Variants in KCNQ1 observed in about 807,000 individuals in gnomAD.
The protein encoded by KCNQ1 is potassium voltage-gated channel subfamily KQT member 1.
KCNQ1 carries 49 observed loss-of-function variants against 72.4 expected under a neutral mutation model. That is an observed-to-expected ratio of 0.68 (90% CI 0.54 to 0.86). KCNQ1 has a LOEUF of 0.86. KCNQ1 is among the 40% of genes least tolerant of loss of function. The pLI is 0.00. For missense variants in KCNQ1, 790 were observed against 945.1 expected (o/e 0.84, Z 2.15); for synonymous variants, 450 against 412.6 (o/e 1.09, Z -1.10).
rs763688256 is a variant in KCNQ1, at chr11:2,642,473, G to T, written c.1394-19488G>T. ...GTAACTGTAATCAATTTATTGATCA[G>T]ACTGAAGAGTTTTGATTTTTGTATT... On this transcript the variant is annotated intron_variant, in intron 10 of 15. Coordinates refer to ENST00000155840, the MANE Select transcript of KCNQ1 (RefSeq NM_000218.3). This position sits in a 1 kb window ranked among gnomAD's most constrained non-coding sequence, Gnocchi z 4.3. 4 of 397,944 alleles carry T rather than the reference G, an allele frequency of 1.0e-5. No homozygotes were observed. Among genetic ancestry groups the T allele is most frequent in the South Asian group, 2.6e-4 (2 of 7,822 alleles). 24.7% of individuals were successfully genotyped at this position (397,944 alleles called of 1,614,324 possible).
rs985169665 is a variant in KCNQ1, at chr11:2,492,393, G to A, written c.387-35535G>A. Among the ~76,000 whole-genome samples the A allele has an allele frequency of 6.6e-6, 1 of 152,150 alleles. No individual in the cohort carries two copies. Among genetic ancestry groups the A allele is most frequent in the Non-Finnish European group, 1.5e-5 (1 of 68,024 alleles). On this transcript the variant is annotated intron_variant, in intron 1 of 15. Coordinates refer to ENST00000155840, the MANE Select transcript of KCNQ1 (RefSeq NM_000218.3). This position sits in a 1 kb window ranked among gnomAD's most constrained non-coding sequence, Gnocchi z 4.1. ...AAGTTCTGGAATACGTGTGCTGAAC[G>A]TGCAGGTTTGTTACATACGTATACA...
rs567617500 is a variant in KCNQ1 at position 2,693,626 on chromosome 11, C to T, written c.1514+31545C>T. The T allele has an allele frequency of 2.0e-5, 8 of 398,638 alleles. No homozygotes were observed. In the Admixed American group the frequency reaches 3.5e-4, roughly 18 times the overall value. 24.7% of individuals were successfully genotyped at this position (398,638 alleles called of 1,614,324 possible). A position where few individuals can be genotyped will look rare whatever the true frequency, so the allele number is the denominator to read the frequency against. ...AATTGCAAACAAGAGCTTCGCCCAGCCGTAGGAAAGGCTCTGGGAGAAAGG... is the reference window on the plus strand; with the variant it reads ...AATTGCAAACAAGAGCTTCGCCCAGTCGTAGGAAAGGCTCTGGGAGAAAGG... On this transcript the variant is annotated intron_variant, in intron 11 of 15. Coordinates refer to ENST00000155840, the MANE Select transcript of KCNQ1 (RefSeq NM_000218.3).
In KCNQ1 at chr11:2,449,550, G is replaced by T. The variant is rs192726382; in HGVS notation, c.386+4066G>T. Among the ~76,000 whole-genome samples the T allele has an allele frequency of 1.9e-3, 284 of 152,250 alleles. 2 individuals carry two copies. Among genetic ancestry groups the T allele is most frequent in the African/African-American group, 6.2e-3 (257 of 41,558 alleles). On this transcript the variant is annotated intron_variant, in intron 1 of 15. Coordinates refer to ENST00000155840, the MANE Select transcript of KCNQ1 (RefSeq NM_000218.3). ...GCTGCTGCTATGAGTTCTGCCACGT[G>T]CCATCCTGGCATGTGGCACGTCTTG...
chr11:2,848,708 C>T lies in KCNQ1; in HGVS notation c.*705C>T, dbSNP rs973260634. ...TCTTCCTAGCTGGAGAGGAGCCCTGCCTCTCCGCCCCTGAGCCCACTGTGC... is the reference window on the plus strand; with the variant it reads ...TCTTCCTAGCTGGAGAGGAGCCCTGTCTCTCCGCCCCTGAGCCCACTGTGC... On this transcript the variant is annotated 3_prime_UTR_variant, in exon 16 of 16. Coordinates refer to ENST00000155840, the MANE Select transcript of KCNQ1 (RefSeq NM_000218.3). 4.4e-6 allele frequency: 2 copies of T among 451,402 alleles called. No individual in the cohort carries two copies. Among genetic ancestry groups the T allele is most frequent in the Non-Finnish European group, 8.9e-6 (2 of 224,666 alleles). The allele number at this position is 451,402 out of a possible 1,614,324, so 28.0% of individuals were successfully genotyped here. A position where few individuals can be genotyped will look rare whatever the true frequency, so the allele number is the denominator to read the frequency against.
At chr11:2,461,400 G>C (rs1317025398) in intron 1 of KCNQ1, 2 of 1,268,192 alleles carry the variant, frequency 1.6e-6, no homozygotes, top group Non-Finnish European at 2.0e-6. Context: ...AGATAAGCCT[G>C]CTGACTGGGT....
chr11:2,681,274 C>T, intron 11 of KCNQ1: 1 of 398,548 alleles, frequency 2.5e-6, no homozygotes, highest in Non-Finnish European at 4.4e-6. Flanking sequence ...GCTTCACTTT[C>T]TCCCTATACC....
At chr11:2,522,525 T>A (rs1255963475) in intron 1 of KCNQ1, among the ~76,000 whole-genome samples, 1 of 152,152 alleles carries the variant, frequency 6.6e-6, no homozygotes, top group African/African-American at 2.4e-5. Context: ...TCGGCACCTG[T>A]GAGGTTCCCA....
intron 15 of KCNQ1, among the ~76,000 whole-genome samples, chr11:2,793,197 A>G (rs376993663): frequency 1.1e-4 from 17 of 152,336 alleles, no homozygotes; most frequent in African/African-American, 4.1e-4. Context: ...CCCGACAAAC[A>G]CAAGGGCTCT....
chr11:2,597,621 A>T (rs974417324), intron 10 of KCNQ1, among the ~76,000 whole-genome samples: 4 of 152,238 alleles, frequency 2.6e-5, no homozygotes, highest in African/African-American at 9.6e-5. Context: ...ACAAAGTTTT[A>T]TCTACCTTCC....
chr11:2,794,624 A>G (rs1251597666), intron 15 of KCNQ1, among the ~76,000 whole-genome samples: 1 of 152,194 alleles, frequency 6.6e-6, no homozygotes, highest in Non-Finnish European at 1.5e-5. Context: ...TTCACAGATT[A>G]GCGGGGAGCA....
chr11:2,548,542 T>C (rs1329334725), intron 2 of KCNQ1, among the ~76,000 whole-genome samples: 1 of 151,884 alleles, frequency 6.6e-6, no homozygotes, highest in African/African-American at 2.4e-5. Context: ...GCTCTGGGGG[T>C]GGGGGGACAC....
Position 2,690,117 on chromosome 11 carries a change from G to C in KCNQ1, c.1514+28036G>C, listed in dbSNP as rs1850564188. 3 of 398,900 alleles carry C rather than the reference G, an allele frequency of 7.5e-6. No homozygotes were observed. The highest frequency in any genetic ancestry group is 4.4e-5 in the Admixed American group (1 of 22,722). 24.7% of individuals were successfully genotyped at this position (398,900 alleles called of 1,614,324 possible). On this transcript the variant is annotated intron_variant, in intron 11 of 15. Coordinates refer to ENST00000155840, the MANE Select transcript of KCNQ1 (RefSeq NM_000218.3). This position sits in a 1 kb window ranked among gnomAD's most constrained non-coding sequence, Gnocchi z 5.1. ...CAATCGCTCTTCCGGGGTTAGAACT[G>C]GGGGAGCAGGGACAAAAAGCGGGCA...
intron 11 of KCNQ1, chr11:2,675,641 T>G: frequency 2.5e-6 from 1 of 398,644 alleles, no homozygotes; most frequent in Non-Finnish European, 4.4e-6. Context: ...AGAGGGTGGT[T>G]GGGCTCTCTA....
intron 1 of KCNQ1, among the ~76,000 whole-genome samples, chr11:2,448,796 G>A (rs1436491253): frequency 1.1e-4 from 17 of 152,236 alleles, no homozygotes; most frequent in Admixed American, 1.1e-3. Flanking sequence ...TCCCCTGGCT[G>A]TCTGGGGTCC....
chr11:2,455,738 AAG>A (rs1846183400), intron 1 of KCNQ1, among the ~76,000 whole-genome samples: 1 of 152,206 alleles, frequency 6.6e-6, no homozygotes, highest in African/African-American at 2.4e-5. Context: ...AGAACCAAAA[AAG>A]AGCCGAAATA....
intron 11 of KCNQ1, chr11:2,688,145 C>G (rs1265351203): frequency 2.5e-6 from 1 of 398,586 alleles, no homozygotes; most frequent in East Asian, 3.6e-5. Flanking sequence ...TGGAGAGACC[C>G]CACGCAGCTC....
intron 15 of KCNQ1, among the ~76,000 whole-genome samples, chr11:2,846,503 G>A (rs893387700): frequency 6.6e-6 from 1 of 152,190 alleles, no homozygotes; most frequent in Non-Finnish European, 1.5e-5. Flanking sequence ...CACCAACAGA[G>A]CTGTGCGCCC....
Position 2,717,179 on chromosome 11 carries a change from A to C in KCNQ1, c.1515-51665A>C, listed in dbSNP as rs141714816. On this transcript the variant is annotated intron_variant, in intron 11 of 15. Coordinates refer to ENST00000155840, the MANE Select transcript of KCNQ1 (RefSeq NM_000218.3). Reference sequence around the variant, plus strand: ...GGCAGGCAATTCCACTGATGGCTGCAGTGCGACACAGACTGGGCCTGGCAT... The same window carrying C: ...GGCAGGCAATTCCACTGATGGCTGCCGTGCGACACAGACTGGGCCTGGCAT... Among the ~76,000 whole-genome samples, 426 of 152,314 alleles carry C rather than the reference A, an allele frequency of 2.8e-3. 1 individual carries two copies. The highest frequency in any genetic ancestry group is 0.012 in the South Asian group (57 of 4,826).
intron 1 of KCNQ1, among the ~76,000 whole-genome samples, chr11:2,485,295 G>A (rs1055440666): frequency 1.3e-5 from 2 of 151,712 alleles, no homozygotes; most frequent in African/African-American, 4.9e-5. Context: ...GGAGTCAGAG[G>A]TGCACAAAGA....
Sources: gnomAD v4.1 joint callset for allele counts (sites outside exome capture counted in the v4.1 genomes callset) on GRCh38, gnomAD v4.1.1 for gene constraint, Gnocchi (gnomAD v3.1) non-coding constraint, MANE v1.5 for transcripts, NCBI Gene and HGNC (gene_info 2026-07-23, HGNC 2026-07-21) for gene names.